CNTN3: variants seen among roughly 807,000 people sequenced by gnomAD.
CNTN3 encodes contactin-3.
A neutral mutation model predicts 119.1 loss-of-function variants in CNTN3; 60 were observed. That is an observed-to-expected ratio of 0.50 (90% CI 0.41 to 0.62). The LOEUF is 0.62. CNTN3 is among the 20% of genes least tolerant of loss of function. The pLI, the probability that CNTN3 is intolerant of heterozygous loss-of-function variation, is 0.00. For synonymous variants in CNTN3, 450 were observed against 438.7 expected (o/e 1.03, Z -0.32); for missense variants, 1,101 against 1,242.4 (o/e 0.89, Z 1.71).
chr3:74,445,223 A>G (rs1462291341), intron 4 of CNTN3, among the ~76,000 whole-genome samples: 3 of 152,136 alleles, frequency 2.0e-5, no homozygotes, highest in Non-Finnish European at 4.4e-5. Context: ...TCTGACAATA[A>G]CATATAGAAA....
intron 4 of CNTN3, among the ~76,000 whole-genome samples, chr3:74,447,361 A>T (rs546969958): frequency 6.6e-6 from 1 of 152,296 alleles, no homozygotes; most frequent in African/African-American, 2.4e-5. Flanking sequence ...ATTTCCTGCT[A>T]TTGCCTCCCA....
intron 13 of CNTN3, among the ~76,000 whole-genome samples, chr3:74,316,087 T>C (rs1702824420): frequency 6.6e-6 from 1 of 152,148 alleles, no homozygotes; most frequent in Non-Finnish European, 1.5e-5. Flanking sequence ...ACTTGCAAAG[T>C]AAGTATCCAA....
intron 5 of CNTN3, among the ~76,000 whole-genome samples, chr3:74,376,871 G>T (rs1704487827): frequency 6.6e-6 from 1 of 150,964 alleles, no homozygotes; most frequent in Admixed American, 6.6e-5. Context: ...TAAATGCCAG[G>T]TATAGTGCTA....
intron 2 of CNTN3, among the ~76,000 whole-genome samples, chr3:74,505,646 C>T (rs972703349): frequency 2.0e-5 from 3 of 151,900 alleles, no homozygotes; most frequent in African/African-American, 7.3e-5. Context: ...ACCTCTAATG[C>T]ATTTTGTCAC....
In CNTN3 at chr3:74,272,168, T is replaced by A. The variant is rs190462398; in HGVS notation, c.2705-4790A>T. Among the ~76,000 whole-genome samples the A allele has an allele frequency of 1.2e-3, 186 of 152,296 alleles. 1 individual carries two copies. The highest frequency in any genetic ancestry group is 0.01 in the Middle Eastern group (3 of 294). On this transcript the variant is annotated intron_variant, in intron 20 of 22. Coordinates refer to ENST00000263665, the MANE Select transcript of CNTN3 (RefSeq NM_020872.3). ...GGCTGCACATAAAATGCACTAACGATAGCTGATGAGCTTTAAAAAAAATCA... is the reference window on the plus strand; with the variant it reads ...GGCTGCACATAAAATGCACTAACGAAAGCTGATGAGCTTTAAAAAAAATCA...
intron 1 of CNTN3, among the ~76,000 whole-genome samples, chr3:74,591,728 GAGAC>G (rs899689845): frequency 3.1e-4 from 47 of 152,020 alleles, no homozygotes; most frequent in Non-Finnish European, 6.3e-4. Context: ...GTATGGTCCT[GAGAC>G]AGAAATAGGA....
intron 2 of CNTN3, among the ~76,000 whole-genome samples, chr3:74,517,490 T>C (rs1703470311): frequency 6.6e-6 from 1 of 151,912 alleles, no homozygotes; most frequent in African/African-American, 2.4e-5. Flanking sequence ...TAGGGTCAAC[T>C]GTATACATGT....
intron 3 of CNTN3, among the ~76,000 whole-genome samples, chr3:74,493,716 T>C (rs1211223592): frequency 6.6e-6 from 1 of 152,152 alleles, no homozygotes; most frequent in Non-Finnish European, 1.5e-5. Flanking sequence ...CAATGTTTGT[T>C]AATATGTTTA....
chr3:74,398,964 G>C (rs1268473747), intron 5 of CNTN3, among the ~76,000 whole-genome samples: 2 of 152,068 alleles, frequency 1.3e-5, no homozygotes, highest in Non-Finnish European at 2.9e-5. Context: ...TTAGTGATCG[G>C]ATCAAGATAG....
intron 2 of CNTN3, among the ~76,000 whole-genome samples, chr3:74,517,557 T>C (rs1703471538): frequency 6.6e-6 from 1 of 151,870 alleles, no homozygotes; most frequent in Non-Finnish European, 1.5e-5. Context: ...CTCAATGTAT[T>C]TTCTTCCCCC....
intron 13 of CNTN3, among the ~76,000 whole-genome samples, chr3:74,323,204 G>T (rs1324377470): frequency 1.3e-5 from 2 of 152,130 alleles, no homozygotes; most frequent in African/African-American, 4.8e-5. Flanking sequence ...CTCTGGTATG[G>T]GATGCTGATA....
chr3:74,603,851 A>G (rs901082548), intron 1 of CNTN3, among the ~76,000 whole-genome samples: 1 of 152,132 alleles, frequency 6.6e-6, no homozygotes, highest in African/African-American at 2.4e-5. Context: ...AAAGACCCTC[A>G]ATAACCAAAG....
intron 21 of CNTN3, 130 bp downstream of exon 21, chr3:74,267,136 C>G: frequency 3.4e-6 from 2 of 586,898 alleles, no homozygotes; most frequent in East Asian, 5.5e-5. Flanking sequence ...TTATGGAAAG[C>G]TTGGTATCTT....
At chr3:74,576,360 A>G (rs1704416910) in intron 1 of CNTN3, among the ~76,000 whole-genome samples, 2 of 152,186 alleles carry the variant, frequency 1.3e-5, no homozygotes, top group African/African-American at 4.8e-5. Context: ...CTTCCCACTT[A>G]AGAATAAAAA....
rs944765324 is a variant in CNTN3, at chr3:74,371,314, G to A, written c.540C>T (p.His180=). The change falls in exon 6 of 23, where the codon CAC becomes CAT. Residue 180 remains histidine, a synonymous_variant. Coordinates refer to ENST00000263665, the MANE Select transcript of CNTN3 (RefSeq NM_020872.3). ...ACGGCTCCACCTTAGATATGTAGAG[G>A]TGCCCTGTCTCCTGGGAGACAAATC... ...SRRFVSQETG[H]LYISKVEPSD... 4.3e-6 allele frequency: 7 copies of A among 1,613,162 alleles called. No homozygotes were observed. The highest frequency in any genetic ancestry group is 1.3e-5 in the African/African-American group (1 of 74,858).
intron 5 of CNTN3, among the ~76,000 whole-genome samples, chr3:74,408,697 T>C (rs563174067): frequency 3.3e-5 from 5 of 152,116 alleles, no homozygotes; most frequent in Non-Finnish European, 7.3e-5. Context: ...GACTTTTCAT[T>C]TGGAATCTTC....
intron 5 of CNTN3, among the ~76,000 whole-genome samples, chr3:74,413,263 C>T (rs1701467772): frequency 1.3e-5 from 2 of 152,174 alleles, no homozygotes; most frequent in South Asian, 2.1e-4. Flanking sequence ...TTAGAGGGTA[C>T]ATGGATAGGA....
At chr3:74,449,987 T>C (rs1702118336) in intron 4 of CNTN3, among the ~76,000 whole-genome samples, 1 of 152,170 alleles carries the variant, frequency 6.6e-6, no homozygotes, top group African/African-American at 2.4e-5. Context: ...TATGATCATA[T>C]GTAGTTACAT....
Position 74,264,471 on chromosome 3 carries a change from A to T in CNTN3, c.3017T>A (p.Ile1006Asn). Residue 1006 changes from isoleucine to asparagine, a missense_variant, in exon 23 of 23, where the codon ATC becomes AAC. Ile to Asn is a moderately radical substitution (Grantham distance 149). Coordinates refer to ENST00000263665, the MANE Select transcript of CNTN3 (RefSeq NM_020872.3). ...ACTTGACATAGGGTGGACATTCGAG[A>T]TGGCTGAAGTGGATCCTCTTGCATC... is the stretch of plus-strand genomic sequence containing the variant. ...SMDARGSTSA[I>N]SNVHPMSSYM... 6.2e-7 allele frequency: 1 copy of T among 1,612,334 alleles called. No homozygotes were observed. Among genetic ancestry groups the T allele is most frequent in the Non-Finnish European group, 8.5e-7 (1 of 1,178,770 alleles).
Sources: gnomAD v4.1 joint callset for allele counts (sites outside exome capture counted in the v4.1 genomes callset) on GRCh38, gnomAD v4.1.1 for gene constraint, MANE v1.5 for transcripts, NCBI Gene and HGNC (gene_info 2026-07-23, HGNC 2026-07-21) for gene names.